Variants in MAPT observed in about 807,000 individuals in gnomAD.
MAPT encodes microtubule-associated protein tau.
MAPT carries 34 observed loss-of-function variants against 67.9 expected under a neutral mutation model. The observed-to-expected ratio is 0.50, with a 90% confidence interval of 0.38 to 0.67. The LOEUF is 0.67. Ranked by LOEUF, MAPT falls within the 30% of genes least tolerant of loss-of-function variation. MAPT has a pLI of 0.00. For synonymous variants in MAPT, 456 were observed against 464.5 expected, an observed-to-expected ratio of 0.98 and a Z score of 0.23; for missense variants, 881 against 1,115.2, an observed-to-expected ratio of 0.79 and a Z score of 2.99.
At chr17:46,009,149 G>A (rs1465327032) in intron 9 of MAPT, among the ~76,000 whole-genome samples, 1 of 152,094 alleles carries the variant, frequency 6.6e-6, no homozygotes, top group Non-Finnish European at 1.5e-5. Flanking sequence ...GCACTGAGCC[G>A]TGATGGTGTC....
chr17:45,966,826 A>C (rs2071137077), intron 2 of MAPT, among the ~76,000 whole-genome samples: 1 of 152,242 alleles, frequency 6.6e-6, no homozygotes, highest in Admixed American at 6.5e-5. Context: ...TGTATATAAA[A>C]ATGCAAAATC....
chr17:45,914,205 G>GAGGGTGTGGGCAGGC (rs1555677721), intron 1 of MAPT, among the ~76,000 whole-genome samples: 1 of 148,770 alleles, frequency 6.7e-6, no homozygotes, highest in Non-Finnish European at 1.5e-5. Context: ...TCAGGGATCT[G>GAGGGTGTGGGCAGGC]AGGGTGTGGG....
intron 1 of MAPT, among the ~76,000 whole-genome samples, chr17:45,936,799 A>G (rs2067372946): frequency 6.6e-6 from 1 of 152,230 alleles, no homozygotes; most frequent in Non-Finnish European, 1.5e-5. Flanking sequence ...ACATCTGGAC[A>G]TCTTCCAAAG....
intron 1 of MAPT, among the ~76,000 whole-genome samples, chr17:45,911,293 G>A (rs566327149): frequency 6.6e-6 from 1 of 152,322 alleles, no homozygotes; most frequent in East Asian, 1.9e-4. Flanking sequence ...ATTGATTCAC[G>A]AGTGAATAAA....
At chr17:45,988,171 C>G (rs894996886) in intron 6 of MAPT, among the ~76,000 whole-genome samples, 1 of 152,186 alleles carries the variant, frequency 6.6e-6, no homozygotes. Context: ...GCCTGTGTCC[C>G]TCCTCTCCCA....
At chr17:45,927,893 G>A (rs550985678) in intron 1 of MAPT, among the ~76,000 whole-genome samples, 3 of 151,624 alleles carry the variant, frequency 2.0e-5, no homozygotes, top group Non-Finnish European at 2.9e-5. Flanking sequence ...CCAGCTACTC[G>A]GGAGGCTGAG....
chr17:45,935,481 G>A (rs1045794344), intron 1 of MAPT, among the ~76,000 whole-genome samples: 5 of 152,136 alleles, frequency 3.3e-5, no homozygotes, highest in African/African-American at 9.7e-5. Flanking sequence ...CAGAGGTGGT[G>A]CAGGAATTTG....
chr17:45,983,368 C>A lies in MAPT; in HGVS notation c.789C>A (p.Leu263=). The part of the protein sequence containing the change: ...TEGGRHAPEL[L]KHQLLGDLHQ... The stretch of plus-strand genomic sequence containing the variant: ...GCGGCCGCCACGCCCCTGAGCTGCT[C>A]AAGCACCAGCTTCTAGGAGACCTGC... The change falls in exon 5 of 13, where the codon CTC becomes CTA. Residue 263 remains leucine (L), a synonymous_variant. Coordinates refer to ENST00000262410, the MANE Select transcript of MAPT (RefSeq NM_001377265.1). 2 of 1,609,236 alleles carry A rather than the reference C, an allele frequency of 1.2e-6. No homozygotes were observed. The highest frequency in any genetic ancestry group is 8.5e-7 in the Non-Finnish European group (1 of 1,178,236).
intron 1 of MAPT, among the ~76,000 whole-genome samples, chr17:45,952,050 T>G (rs144507520): frequency 0.011 from 1,669 of 152,340 alleles, 10 homozygotes; most frequent in Non-Finnish European, 0.018. Context: ...ATCAAGTGTA[T>G]TTTCCTGTCT....
At chr17:45,909,618 T>C (rs2064601697) in intron 1 of MAPT, among the ~76,000 whole-genome samples, 1 of 152,048 alleles carries the variant, frequency 6.6e-6, no homozygotes, top group African/African-American at 2.4e-5. Context: ...ATGCCTGTAA[T>C]CCCAACAGTT....
intron 9 of MAPT, among the ~76,000 whole-genome samples, chr17:46,000,298 C>T (rs1196403578): frequency 6.6e-6 from 1 of 152,158 alleles, no homozygotes; most frequent in Non-Finnish European, 1.5e-5. Context: ...CTGTTTTCTT[C>T]TTTGTGCTTT....
intron 2 of MAPT, among the ~76,000 whole-genome samples, chr17:45,965,739 AT>A: frequency 6.7e-6 from 1 of 149,124 alleles, no homozygotes; most frequent in Admixed American, 6.7e-5. Flanking sequence ...AAAAAAAAAA[AT>A]AGTGCTGCTT....
intron 1 of MAPT, among the ~76,000 whole-genome samples, chr17:45,917,691 TG>T (rs1305048385): frequency 6.6e-6 from 1 of 151,982 alleles, no homozygotes; most frequent in African/African-American, 2.4e-5. Context: ...AAATGCTGTA[TG>T]GGAAGGGGCT....
chr17:45,920,495 C>A (rs2065600471), intron 1 of MAPT, among the ~76,000 whole-genome samples: 1 of 152,210 alleles, frequency 6.6e-6, no homozygotes. Context: ...TCAGCCTTGA[C>A]CCTCCGGCCC....
intron 5 of MAPT, among the ~76,000 whole-genome samples, chr17:45,984,748 C>T (rs911452433): frequency 3.3e-5 from 5 of 152,164 alleles, no homozygotes; most frequent in South Asian, 2.1e-4. Context: ...CTCAGGAGCA[C>T]GACCACAGCA....
chr17:46,021,849 T>C (rs762442404), intron 12 of MAPT, among the ~76,000 whole-genome samples: 13 of 152,084 alleles, frequency 8.5e-5, no homozygotes, highest in Non-Finnish European at 1.6e-4. Context: ...GAAAACACCA[T>C]CCTGGTCCTG....
At chr17:45,904,144 TTA>T (rs1347021719) in intron 1 of MAPT, among the ~76,000 whole-genome samples, 1 of 31,060 alleles carries the variant, frequency 3.2e-5, no homozygotes, top group Non-Finnish European at 6.2e-5. Context: ...TATGTATATA[TTA>T]TATATGTTAT....
chr17:45,917,316 AGCTAGGGTTGTCTCAT>A (rs1202220788), intron 1 of MAPT, among the ~76,000 whole-genome samples: 2 of 152,180 alleles, frequency 1.3e-5, no homozygotes, highest in Non-Finnish European at 2.9e-5. Context: ...CTCTCATAAG[AGCTAGGGTTGTCTCAT>A]GCTGATGACT....
In MAPT at chr17:45,956,598, ATATT is replaced by A. The variant is rs1238509787; in HGVS notation, c.-17-5721_-17-5718del. Among the ~76,000 whole-genome samples the A allele has an allele frequency of 1.1e-3, 92 of 83,788 alleles. 1 individual carries two copies. The highest frequency in any genetic ancestry group is 4.4e-3 in the African/African-American group (87 of 19,600). The allele number at this position is 83,788 out of a possible 152,430, so 55.0% of individuals were successfully genotyped here. Reference sequence around the variant, plus strand: ...TATATATATATATATATATATATATATATTTTTTATTATTATACTTTAAGTTCTA... The same window carrying A: ...TATATATATATATATATATATATATATTTTATTATTATACTTTAAGTTCTA... On this transcript the variant is annotated intron_variant, in intron 1 of 12. Transcript: ENST00000262410.
Sources: allele counts gnomAD v4.1 joint callset (sites outside exome capture counted in the v4.1 genomes callset), GRCh38; gene constraint gnomAD v4.1.1; transcripts MANE v1.5; gene names NCBI Gene and HGNC (gene_info 2026-07-23, HGNC 2026-07-21).